Variants in IL1RAPL1 observed in about 807,000 individuals in gnomAD.
IL1RAPL1 encodes interleukin-1 receptor accessory protein-like 1.
A neutral mutation model predicts 48.4 loss-of-function variants in IL1RAPL1; 3 were observed. The observed-to-expected ratio is 0.06, with a 90% CI of 0.03 to 0.16. The LOEUF is 0.16. Among genes scored for constraint, IL1RAPL1 ranks in the 10% least tolerant of loss-of-function variants. The pLI, the probability that IL1RAPL1 is intolerant of heterozygous loss-of-function variation, is 1.00. For synonymous variants in IL1RAPL1, 185 were observed against 187.7 expected, an observed-to-expected ratio of 0.99 and a Z score of 0.12; for missense variants, 349 against 530.6, an observed-to-expected ratio of 0.66 and a Z score of 3.36.
chrX:29,791,275 C>T (rs979089116), intron 6 of IL1RAPL1, among the ~76,000 whole-genome samples: 1 of 111,061 alleles, frequency 9.0e-6, no homozygotes, highest in South Asian at 3.8e-4. Flanking sequence ...GTGCAATATC[C>T]AACATCCTAA....
chrX:28,839,630 C>T (rs1385108673), intron 2 of IL1RAPL1, among the ~76,000 whole-genome samples: 1 of 110,754 alleles, frequency 9.0e-6, no homozygotes, highest in African/African-American at 3.3e-5. Flanking sequence ...CTACAAGCCA[C>T]ATCTAAACAT....
At chrX:29,766,430 A>AAT (rs905229631) in intron 6 of IL1RAPL1, among the ~76,000 whole-genome samples, 11 of 93,454 alleles carry the variant, frequency 1.2e-4, no homozygotes, top group South Asian at 4.8e-4. Flanking sequence ...TATATATCCA[A>AAT]ATATATATAT....
Position 29,367,558 on chromosome X carries a change from TTATTTA to T in IL1RAPL1, c.363-28698_363-28693del, listed in dbSNP as rs1569296168. On this transcript the variant is annotated intron_variant, in intron 3 of 10. Coordinates refer to ENST00000378993, the MANE Select transcript of IL1RAPL1 (RefSeq NM_014271.4). ...CAAAAGGGCTTCTATTTATTTTTATTTATTTATTTATTTATTTATTTATTTATTTAT... is the reference window on the plus strand; with the variant it reads ...CAAAAGGGCTTCTATTTATTTTTATTTTTATTTATTTATTTATTTATTTAT... Among the ~76,000 whole-genome samples the T allele has an allele frequency of 4.0e-3, 404 of 101,271 alleles. 4 individuals carry two copies. Among genetic ancestry groups the T allele is most frequent in the Admixed American group, 5.9e-3 (54 of 9,185 alleles). 87.9% of individuals were successfully genotyped at this position (101,271 alleles called of 115,157 possible).
chrX:29,314,692 GT>G (rs1932761872), intron 3 of IL1RAPL1, among the ~76,000 whole-genome samples: 1 of 112,332 alleles, frequency 8.9e-6, no homozygotes, highest in African/African-American at 3.2e-5. Context: ...TCTTTTGGTT[GT>G]TTTGAGGATT....
At chrX:29,034,538 G>A (rs960288351) in intron 2 of IL1RAPL1, among the ~76,000 whole-genome samples, 2 of 112,115 alleles carry the variant, frequency 1.8e-5, no homozygotes, top group African/African-American at 6.5e-5. Context: ...GAATCATCAA[G>A]ATAGACACTG....
At position 28,884,126 on chromosome X, in the gene IL1RAPL1, GTAAC is replaced by G. The variant is rs1320318798; in HGVS notation, c.82+94706_82+94709del. 4.5e-5 allele frequency among the ~76,000 whole-genome samples: 5 copies of G among 111,545 alleles called. No homozygotes were observed. The East Asian group carries it at 8.4e-4, about 19-fold the overall frequency. On this transcript the variant is annotated intron_variant, in intron 2 of 10. Transcript: ENST00000378993. The stretch of plus-strand genomic sequence containing the variant: ...ACAAGCATGGCACATGTATACATAT[GTAAC>G]TAACCTGCACAATGTGCACATGTAC...
intron 2 of IL1RAPL1, among the ~76,000 whole-genome samples, chrX:29,036,711 T>A (rs771807779): frequency 1.8e-5 from 2 of 111,574 alleles, no homozygotes; most frequent in Non-Finnish European, 3.8e-5. Flanking sequence ...ATGTTCTTCA[T>A]CTAATTCACC....
At chrX:29,746,326 ATAAT>A (rs900099535) in intron 6 of IL1RAPL1, among the ~76,000 whole-genome samples, 1 of 112,186 alleles carries the variant, frequency 8.9e-6, no homozygotes, top group African/African-American at 3.2e-5. Flanking sequence ...ATTTAGGGAA[ATAAT>A]TTTATTGTAA....
chrX:28,945,728 A>G (rs188742036), intron 2 of IL1RAPL1, among the ~76,000 whole-genome samples: 28 of 110,172 alleles, frequency 2.5e-4, no homozygotes, highest in African/African-American at 8.6e-4. Context: ...TAACAAACCT[A>G]CACATTCTGC....
At chrX:29,495,060 A>G (rs1416598448) in intron 5 of IL1RAPL1, among the ~76,000 whole-genome samples, 1 of 112,064 alleles carries the variant, frequency 8.9e-6, no homozygotes, top group Non-Finnish European at 1.9e-5. Context: ...CATAAACACT[A>G]TTCTTACTCC....
At chrX:29,203,326 A>G (rs191801746) in intron 2 of IL1RAPL1, among the ~76,000 whole-genome samples, 3 of 112,033 alleles carry the variant, frequency 2.7e-5, no homozygotes, top group Admixed American at 9.5e-5. Context: ...ATTTTGATAC[A>G]TGTTTACAAT....
intron 2 of IL1RAPL1, among the ~76,000 whole-genome samples, chrX:28,934,836 A>G (rs974707708): frequency 1.8e-5 from 2 of 112,003 alleles, no homozygotes; most frequent in Non-Finnish European, 3.8e-5. Flanking sequence ...TAATGCTACT[A>G]TGAACATCAT....
At chrX:28,608,048 T>A (rs1200429789) in intron 1 of IL1RAPL1, among the ~76,000 whole-genome samples, 1 of 111,610 alleles carries the variant, frequency 9.0e-6, no homozygotes, top group East Asian at 2.8e-4. Flanking sequence ...TGCCTACTGG[T>A]CTATACAAGT....
chrX:29,172,814 A>T (rs1054802613), intron 2 of IL1RAPL1, among the ~76,000 whole-genome samples: 3 of 111,730 alleles, frequency 2.7e-5, no homozygotes, highest in African/African-American at 9.8e-5. Flanking sequence ...GAGTCATGAG[A>T]GTCTCATTGG....
chrX:29,092,352 A>G (rs774694841), intron 2 of IL1RAPL1, among the ~76,000 whole-genome samples: 1 of 112,084 alleles, frequency 8.9e-6, no homozygotes, highest in Admixed American at 9.5e-5. Context: ...GTTATAAAAC[A>G]ATAACCCATT....
chrX:29,406,574 T>G (rs62586472), intron 5 of IL1RAPL1, among the ~76,000 whole-genome samples: 39,612 of 110,509 alleles, frequency 0.36, 6,347 homozygotes, highest in Middle Eastern at 0.53. Flanking sequence ...ACTTTGCGGG[T>G]TTTTGCCCTG....
chrX:29,803,095 A>G lies in IL1RAPL1; in HGVS notation c.779-114369A>G, dbSNP rs374735834. Among the ~76,000 whole-genome samples, 222 of 91,334 alleles carry G rather than the reference A, an allele frequency of 2.4e-3. 6 individuals are homozygous for G. Among genetic ancestry groups the G allele is most frequent in the African/African-American group, 6.6e-3 (166 of 25,112 alleles). The allele number at this position is 91,334 out of a possible 115,157, so 79.3% of individuals were successfully genotyped here. On this transcript the variant is annotated intron_variant, in intron 6 of 10. Coordinates refer to ENST00000378993, the MANE Select transcript of IL1RAPL1 (RefSeq NM_014271.4). ...TGTATACATATATGTGTATATGTAT[A>G]CATGTATACATATATGTATATATGT... is the stretch of plus-strand genomic sequence containing the variant.
At chrX:29,783,208 G>A (rs1220330292) in intron 6 of IL1RAPL1, among the ~76,000 whole-genome samples, 1 of 110,450 alleles carries the variant, frequency 9.1e-6, no homozygotes, top group Non-Finnish European at 1.9e-5. Flanking sequence ...CCGGCCGATC[G>A]TGACATTTTA....
At chrX:29,917,992 G>A (rs1932812011) in intron 7 of IL1RAPL1, among the ~76,000 whole-genome samples, 1 of 101,329 alleles carries the variant, frequency 9.9e-6, no homozygotes, top group Non-Finnish European at 2.0e-5. Flanking sequence ...GCATGGTGGT[G>A]CGTGCCTATT....
Sources: allele counts gnomAD v4.1 joint callset (sites outside exome capture counted in the v4.1 genomes callset), GRCh38; gene constraint gnomAD v4.1.1; transcripts MANE v1.5; gene names NCBI Gene and HGNC (gene_info 2026-07-23, HGNC 2026-07-21).